UBE3C: variants seen among roughly 807,000 people sequenced by gnomAD.
The protein encoded by UBE3C is ubiquitin protein ligase E3C, also known as ubiquitin-protein ligase E3C.
Under a neutral mutation model 129.4 loss-of-function variants are expected in UBE3C, and 42 were observed. The ratio of observed to expected loss-of-function variants is 0.32; its 90% confidence interval spans 0.25 to 0.42. UBE3C has a LOEUF of 0.42. Among genes scored for constraint, UBE3C ranks in the 10% least tolerant of loss-of-function variants. UBE3C has a pLI of 1.00. For synonymous variants in UBE3C, 510 were observed against 492.4 expected, an observed-to-expected ratio of 1.04 and a Z score of -0.47; for missense variants, 1,049 against 1,319.1, an observed-to-expected ratio of 0.80 and a Z score of 3.17.
At chr7:157,139,436 C>CGAGACTTGGGGCT in intron 1 of UBE3C, 98 bp downstream of exon 1, 2 of 303,724 alleles carry the variant, frequency 6.6e-6, no homozygotes. Flanking sequence ...GACTCGGGGC[C>CGAGACTTGGGGCT]GAGACTTGGG....
intron 19 of UBE3C, 49 bp from the exon 20 acceptor site, chr7:157,253,905 T>C: frequency 8.8e-6 from 13 of 1,479,670 alleles, no homozygotes; most frequent in Non-Finnish European, 1.2e-5. Context: ...TTTTTTAACC[T>C]ATTATCATAC....
intron 17 of UBE3C, among the ~76,000 whole-genome samples, chr7:157,226,859 T>G (rs1795893766): frequency 6.6e-6 from 1 of 152,200 alleles, no homozygotes; most frequent in Non-Finnish European, 1.5e-5. Context: ...AGGTTTGTCT[T>G]GCCTAGCAGA....
intron 1 of UBE3C, among the ~76,000 whole-genome samples, chr7:157,162,422 T>G (rs1808096778): frequency 6.6e-6 from 1 of 152,162 alleles, no homozygotes; most frequent in South Asian, 2.1e-4. Context: ...CTCGAACTCC[T>G]GACCTCATGA....
intron 1 of UBE3C, among the ~76,000 whole-genome samples, chr7:157,146,115 A>T (rs1338423831): frequency 6.6e-6 from 1 of 152,204 alleles, no homozygotes; most frequent in East Asian, 1.9e-4. Context: ...CTAGATTTTT[A>T]ATTTTTGAAG....
At chr7:157,234,033 T>TTTA (rs573931017) in intron 18 of UBE3C, among the ~76,000 whole-genome samples, 1 of 152,236 alleles carries the variant, frequency 6.6e-6, no homozygotes, top group Admixed American at 6.5e-5. Flanking sequence ...TGGATTGTCT[T>TTTA]TTATTATTAA....
At chr7:157,180,730 A>G (rs927030789) in intron 6 of UBE3C, among the ~76,000 whole-genome samples, 5 of 152,248 alleles carry the variant, frequency 3.3e-5, no homozygotes, top group Admixed American at 2.6e-4. Flanking sequence ...CAGAGTTCCT[A>G]TCAGAAGCGT....
intron 14 of UBE3C, 98 bp from the exon 15 acceptor site, chr7:157,220,591 G>A (rs991004455): frequency 1.9e-5 from 26 of 1,405,118 alleles, no homozygotes; most frequent in Non-Finnish European, 2.3e-5. Flanking sequence ...CCCAGCCCAC[G>A]GTAGAGAAAT....
intron 19 of UBE3C, among the ~76,000 whole-genome samples, chr7:157,253,327 T>C (rs1468809684): frequency 6.6e-6 from 1 of 152,216 alleles, no homozygotes; most frequent in Non-Finnish European, 1.5e-5. Context: ...ACTCTTGTGG[T>C]GTTTATGGGA....
chr7:157,254,650 A>T (rs116341660), intron 21 of UBE3C, among the ~76,000 whole-genome samples: 1,817 of 151,654 alleles, frequency 0.012, 39 homozygotes, highest in African/African-American at 0.042. Flanking sequence ...CACCCCCCTC[A>T]GCCTCCCCAA....
At chr7:157,166,474 C>T (rs184223944) in intron 2 of UBE3C, among the ~76,000 whole-genome samples, 3 of 152,176 alleles carry the variant, frequency 2.0e-5, no homozygotes, top group Non-Finnish European at 4.4e-5. Flanking sequence ...GGCGCGATGG[C>T]TCACGCCTGT....
Position 157,139,124 on chromosome 7 carries a change from G to C in UBE3C, c.-149G>C. 2 of 266,800 alleles carry C rather than the reference G, an allele frequency of 7.5e-6. No individual in the cohort carries two copies. Among genetic ancestry groups the C allele is most frequent in the Non-Finnish European group, 1.2e-5 (2 of 171,232 alleles). The allele number at this position is 266,800 out of a possible 1,614,324, so 16.5% of individuals were successfully genotyped here. A position where few individuals can be genotyped will look rare whatever the true frequency, so the allele number is the denominator to read the frequency against. On this transcript the variant is annotated 5_prime_UTR_variant, in exon 1 of 23. Coordinates refer to ENST00000348165, the MANE Select transcript of UBE3C (RefSeq NM_014671.3). ...GGCAGGGCTGGGAGGGTACAGCCCG[G>C]GGGCGGGCTCGGGTCGCCTCCCGGC...
chr7:157,157,510 A>G (rs1194974688), intron 1 of UBE3C, among the ~76,000 whole-genome samples: 2 of 151,974 alleles, frequency 1.3e-5, no homozygotes, highest in Admixed American at 1.3e-4. Context: ...ATACATTGAC[A>G]TGATCTCCTT....
Position 157,156,467 on chromosome 7 carries a change from C to T in UBE3C, c.67-7343C>T, listed in dbSNP as rs370088775. ...GACTACAGGCGCATGTCACCACCCC[C>T]GGCTAATTTTTGTATTTTTCATAGA... On this transcript the variant is annotated intron_variant, in intron 1 of 22. Coordinates refer to ENST00000348165, the MANE Select transcript of UBE3C (RefSeq NM_014671.3). Among the ~76,000 whole-genome samples, 86 of 151,724 alleles carry T rather than the reference C, an allele frequency of 5.7e-4. 1 individual carries two copies. The South Asian group carries it at 0.016, about 29-fold the overall frequency.
chr7:157,220,523 A>AGAGGACCT, intron 14 of UBE3C, 166 bp from the exon 15 acceptor site: 2 of 569,308 alleles, frequency 3.5e-6, no homozygotes, highest in Non-Finnish European at 6.1e-6. Flanking sequence ...CTAGCATGAG[A>AGAGGACCT]GAGGACCTGA....
intron 10 of UBE3C, among the ~76,000 whole-genome samples, chr7:157,199,713 C>T (rs368641441): frequency 1.3e-5 from 2 of 151,962 alleles, no homozygotes; most frequent in African/African-American, 4.8e-5. Flanking sequence ...TCAAGTGATC[C>T]ACCCGCCTCA....
chr7:157,215,856 T>C (rs1268126977), intron 13 of UBE3C, among the ~76,000 whole-genome samples: 3 of 152,202 alleles, frequency 2.0e-5, no homozygotes, highest in Non-Finnish European at 4.4e-5. Context: ...TGCTATTATA[T>C]CTCTTTAATC....
intron 3 of UBE3C, among the ~76,000 whole-genome samples, chr7:157,169,415 G>T (rs112141237): frequency 6.7e-6 from 1 of 148,894 alleles, no homozygotes; most frequent in Non-Finnish European, 1.5e-5. Flanking sequence ...TCACTCTGTT[G>T]CCCAGGCCAG....
intron 1 of UBE3C, among the ~76,000 whole-genome samples, chr7:157,145,363 C>A (rs939190490): frequency 6.6e-6 from 1 of 151,932 alleles, no homozygotes; most frequent in African/African-American, 2.4e-5. Context: ...ACTAAAAATA[C>A]AAAAATTAGC....
chr7:157,234,773 A>G (rs2116646175), intron 18 of UBE3C, among the ~76,000 whole-genome samples: 1 of 152,252 alleles, frequency 6.6e-6, no homozygotes, highest in African/African-American at 2.4e-5. Flanking sequence ...TTTGATGTTG[A>G]TTTGTGAGTT....
Sources: allele counts gnomAD v4.1 joint callset (sites outside exome capture counted in the v4.1 genomes callset), GRCh38; gene constraint gnomAD v4.1.1; transcripts MANE v1.5; gene names NCBI Gene and HGNC (gene_info 2026-07-23, HGNC 2026-07-21).